The following BCAS3 variants were observed in gnomAD, a reference collection of about 807,000 sequenced individuals.
BCAS3 encodes BCAS3 microtubule associated cell migration factor.
In BCAS3, 53 loss-of-function variants were observed where a neutral mutation model predicts 116.1. The ratio of observed to expected loss-of-function variants is 0.46; its 90% CI spans 0.37 to 0.57. The LOEUF is 0.57. Among genes scored for constraint, BCAS3 ranks in the 20% least tolerant of loss-of-function variants. The probability of loss-of-function intolerance (pLI) is 0.00; values close to 1 mark genes in which losing one functional copy is unlikely to be tolerated. For missense variants in BCAS3, 917 were observed against 1,165.4 expected (o/e 0.79, Z 3.10); for synonymous variants, 391 against 408.2 (o/e 0.96, Z 0.51).
At chr17:61,148,520 G>T (rs983757480) in intron 22 of BCAS3, among the ~76,000 whole-genome samples, 3 of 152,110 alleles carry the variant, frequency 2.0e-5, no homozygotes, top group African/African-American at 7.2e-5. Flanking sequence ...AGAAATGTGG[G>T]CTCCGTGTTC....
rs1472302174 is a variant in BCAS3, at chr17:61,203,048, G to A, written c.2425+118484G>A. 6.6e-6 allele frequency among the ~76,000 whole-genome samples: 1 copy of A among 152,038 alleles called. No individual in the cohort carries two copies. The highest frequency in any genetic ancestry group is 2.4e-5 in the African/African-American group (1 of 41,378). On this transcript the variant is annotated intron_variant, in intron 22 of 23. Transcript: ENST00000407086. The surrounding 1 kb of genome is among the most constrained non-coding windows in gnomAD (Gnocchi z 5.7). ...TGCTGAAGAAGTTTACTGTGCACTA[G>A]CTCTCTCTTCAAAAAAATTATTTAA...
At chr17:60,806,463 G>C (rs577635465) in intron 6 of BCAS3, among the ~76,000 whole-genome samples, 20 of 152,034 alleles carry the variant, frequency 1.3e-4, no homozygotes, top group Non-Finnish European at 2.6e-4. Flanking sequence ...GCATATTTTG[G>C]AGTGGTTTGT....
intron 22 of BCAS3, among the ~76,000 whole-genome samples, chr17:61,318,845 T>C (rs2054958555): frequency 6.6e-6 from 1 of 152,194 alleles, no homozygotes; most frequent in Non-Finnish European, 1.5e-5. Flanking sequence ...TTCCTTCCCG[T>C]TGGTATGATA....
chr17:61,205,854 G>A lies in BCAS3; in HGVS notation c.2425+121290G>A, dbSNP rs1431345704. ...AATAGTCATTGTATTCTTAGGGTGT[G>A]AAACTGTTTCGGGAGCAAAAGATAA... On this transcript the variant is annotated intron_variant, in intron 22 of 23. Transcript: ENST00000407086. This position sits in a 1 kb window ranked among gnomAD's most constrained non-coding sequence, Gnocchi z 5.2. Among the ~76,000 whole-genome samples, 1 of 152,168 alleles carries A rather than the reference G, an allele frequency of 6.6e-6. No homozygotes were observed. The highest frequency in any genetic ancestry group is 1.5e-5 in the Non-Finnish European group (1 of 68,036).
At chr17:61,237,703 A>C (rs2083175626) in intron 22 of BCAS3, among the ~76,000 whole-genome samples, 1 of 152,242 alleles carries the variant, frequency 6.6e-6, no homozygotes, top group Non-Finnish European at 1.5e-5. Flanking sequence ...ATAGAGACTC[A>C]GAGAAACGAA....
rs867349157 is a variant in BCAS3, at chr17:61,286,021, T to A, written c.2426-82306T>A. Among the ~76,000 whole-genome samples, 3 of 152,222 alleles carry A rather than the reference T, an allele frequency of 2.0e-5. No individual in the cohort carries two copies. Among genetic ancestry groups the A allele is most frequent in the South Asian group, 4.1e-4 (2 of 4,834 alleles). On this transcript the variant is annotated intron_variant, in intron 22 of 23. Coordinates refer to ENST00000407086, the MANE Select transcript of BCAS3 (RefSeq NM_017679.5). The surrounding 1 kb of genome is among the most constrained non-coding windows in gnomAD (Gnocchi z 4.8). ...CCCCAGGCTTTGACTGTCAATATCA[T>A]GACACCTTTTTACTCATGGACCAGA...
At chr17:60,978,590 T>A (rs1056627080) in intron 14 of BCAS3, among the ~76,000 whole-genome samples, 27 of 152,084 alleles carry the variant, frequency 1.8e-4, no homozygotes, top group African/African-American at 6.0e-4. Flanking sequence ...GCCTATGTCC[T>A]GAATGGTAAA....
intron 19 of BCAS3, among the ~76,000 whole-genome samples, chr17:61,046,096 A>AT (rs1555685909): frequency 2.0e-5 from 1 of 49,358 alleles, no homozygotes; most frequent in Non-Finnish European, 3.3e-5. Context: ...ATATATATAT[A>AT]ATATATATAT....
At chr17:60,763,441 C>A (rs1243878729) in intron 6 of BCAS3, among the ~76,000 whole-genome samples, 1 of 152,154 alleles carries the variant, frequency 6.6e-6, no homozygotes, top group Non-Finnish European at 1.5e-5. Context: ...TTTTCTGCAT[C>A]TATTGAGATA....
At chr17:61,096,334 C>G (rs1184372998) in intron 22 of BCAS3, among the ~76,000 whole-genome samples, 1 of 151,942 alleles carries the variant, frequency 6.6e-6, no homozygotes, top group East Asian at 1.9e-4. Context: ...AAATACTTTT[C>G]TGTATAATAA....
intron 22 of BCAS3, among the ~76,000 whole-genome samples, chr17:61,100,517 T>C (rs1005748944): frequency 6.6e-6 from 1 of 152,230 alleles, no homozygotes; most frequent in Non-Finnish European, 1.5e-5. Flanking sequence ...CTTTCTCATG[T>C]GTTCTTAAAC....
rs1333729859 is a variant in BCAS3 at position 61,186,006 on chromosome 17, C to A, written c.2425+101442C>A. The stretch of plus-strand genomic sequence containing the variant: ...TTGTATACACAGAATTTAGTTTCAT[C>A]CGTACATTTACTAAATAGTTCCTTA... On this transcript the variant is annotated intron_variant, in intron 22 of 23. Coordinates refer to ENST00000407086, the MANE Select transcript of BCAS3 (RefSeq NM_017679.5). The surrounding 1 kb of genome is among the most constrained non-coding windows in gnomAD (Gnocchi z 4.9). Among the ~76,000 whole-genome samples the A allele has an allele frequency of 6.6e-6, 1 of 152,108 alleles. No individual in the cohort carries two copies. Among genetic ancestry groups the A allele is most frequent in the Non-Finnish European group, 1.5e-5 (1 of 67,994 alleles).
intron 16 of BCAS3, among the ~76,000 whole-genome samples, chr17:61,025,297 A>G (rs1444434614): frequency 6.6e-6 from 1 of 151,970 alleles, no homozygotes; most frequent in Non-Finnish European, 1.5e-5. Flanking sequence ...TTTTTCTTTA[A>G]TGAAGTAGAA....
intron 6 of BCAS3, among the ~76,000 whole-genome samples, chr17:60,754,628 A>G (rs1165974871): frequency 6.6e-6 from 1 of 152,036 alleles, no homozygotes; most frequent in African/African-American, 2.4e-5. Flanking sequence ...GGAGAAAGAC[A>G]ATCATTTTGG....
chr17:61,242,946 C>A (rs2047646150), intron 22 of BCAS3, among the ~76,000 whole-genome samples: 2 of 151,402 alleles, frequency 1.3e-5, no homozygotes, highest in Non-Finnish European at 2.9e-5. Context: ...GCTCTGTCAC[C>A]ATGTCACCAG....
intron 22 of BCAS3, among the ~76,000 whole-genome samples, chr17:61,301,738 G>A (rs569976139): frequency 4.9e-4 from 74 of 152,276 alleles, no homozygotes; most frequent in African/African-American, 1.7e-3. Flanking sequence ...TCAGTTAGAA[G>A]TTAACAAAAA....
intron 7 of BCAS3, among the ~76,000 whole-genome samples, chr17:60,812,786 C>T (rs1428606319): frequency 6.6e-6 from 1 of 152,064 alleles, no homozygotes; most frequent in Non-Finnish European, 1.5e-5. Flanking sequence ...GTCACCCAGG[C>T]CCAGGTGCAG....
chr17:60,886,458 C>G (rs1275980520), intron 9 of BCAS3: 1 of 152,228 alleles, frequency 6.6e-6, no homozygotes, highest in Non-Finnish European at 1.5e-5. Context: ...CAAAGTCATT[C>G]TCCATCCACC....
intron 19 of BCAS3, among the ~76,000 whole-genome samples, chr17:61,042,320 A>G (rs2067577170): frequency 6.6e-6 from 1 of 152,094 alleles, no homozygotes; most frequent in Non-Finnish European, 1.5e-5. Context: ...TATTAAGTCT[A>G]TTTAATAGAC....
Sources: gnomAD v4.1 joint callset for allele counts (sites outside exome capture counted in the v4.1 genomes callset) on GRCh38, gnomAD v4.1.1 for gene constraint, Gnocchi (gnomAD v3.1) non-coding constraint, MANE v1.5 for transcripts, NCBI Gene and HGNC (gene_info 2026-07-23, HGNC 2026-07-21) for gene names.